Variants in RFX4 observed in about 807,000 individuals in gnomAD.
RFX4 encodes regulatory factor X4.
A neutral mutation model predicts 95.0 loss-of-function variants in RFX4; 10 were observed. The observed-to-expected ratio is 0.11, with a 90% CI of 0.06 to 0.18. RFX4 has a LOEUF of 0.18. Ranked by LOEUF, RFX4 falls within the 10% of genes least tolerant of loss-of-function variation. The pLI, the probability that RFX4 is intolerant of heterozygous loss-of-function variation, is 1.00. For missense variants in RFX4, 640 were observed against 922.0 expected (o/e 0.69, Z 3.96); for synonymous variants, 321 against 340.7 (o/e 0.94, Z 0.64).
At chr12:106,639,449 T>A in intron 3 of RFX4, 57 bp downstream of exon 3, 3 of 1,456,874 alleles carry the variant, frequency 2.1e-6, no homozygotes, top group Non-Finnish European at 2.9e-6. Context: ...TCTTCTTGTC[T>A]ATAGGATAGG....
Position 106,696,716 on chromosome 12 carries a change from C to T in RFX4, c.833+270C>T, listed in dbSNP as rs1259648087. 1.3e-5 allele frequency among the ~76,000 whole-genome samples: 2 copies of T among 152,158 alleles called. 1 individual carries two copies. Among genetic ancestry groups the T allele is most frequent in the Non-Finnish European group, 2.9e-5 (2 of 68,024 alleles). ...CCAGACTCCTGTTCCCCAGACAACCCAGTCCCTTCCCAGAACATCAAATAG... is the reference window on the plus strand; with the variant it reads ...CCAGACTCCTGTTCCCCAGACAACCTAGTCCCTTCCCAGAACATCAAATAG... On this transcript the variant is annotated intron_variant, in intron 8 of 17. Coordinates refer to ENST00000392842, the MANE Select transcript of RFX4 (RefSeq NM_213594.3).
At chr12:106,686,778 C>A (rs933807632) in intron 5 of RFX4, 106 bp from the exon 6 acceptor site, 19 of 1,046,526 alleles carry the variant, frequency 1.8e-5, no homozygotes, top group Non-Finnish European at 2.7e-5. Flanking sequence ...CTTTCCTTGG[C>A]CTTGGGCAAC....
chr12:106,733,659 T>C (rs1182654160), intron 15 of RFX4, among the ~76,000 whole-genome samples: 1 of 152,070 alleles, frequency 6.6e-6, no homozygotes. Flanking sequence ...ATGGCAACCA[T>C]AAGGAGGCAA....
chr12:106,634,767 T>C (rs1372224950), intron 2 of RFX4, among the ~76,000 whole-genome samples: 2 of 152,182 alleles, frequency 1.3e-5, no homozygotes, highest in Non-Finnish European at 2.9e-5. Flanking sequence ...TCTGGCTCAC[T>C]CCAGGACACA....
rs954475436 is a variant in RFX4 at position 106,672,875 on chromosome 12, A to G, written c.316-9118A>G. On this transcript the variant is annotated intron_variant, in intron 4 of 17. Coordinates refer to ENST00000392842, the MANE Select transcript of RFX4 (RefSeq NM_213594.3). ...TTTGCTCAGAGTGGGAAAAGTCTTG[A>G]CCTGCATTTGGGCAGAATGTGATGT... 2.6e-5 allele frequency among the ~76,000 whole-genome samples: 4 copies of G among 151,910 alleles called. No individual in the cohort carries two copies. In the South Asian group the frequency reaches 6.2e-4, roughly 24 times the overall value.
At chr12:106,592,037 A>G (rs552983477) in intron 1 of RFX4, among the ~76,000 whole-genome samples, 1 of 152,174 alleles carries the variant, frequency 6.6e-6, no homozygotes, top group Non-Finnish European at 1.5e-5. Flanking sequence ...ACATTCTAGG[A>G]TGGTTATGAA....
chr12:106,675,115 T>C lies in RFX4; in HGVS notation c.316-6878T>C, dbSNP rs568660932. Among the ~76,000 whole-genome samples, 6 of 152,262 alleles carry C rather than the reference T, an allele frequency of 3.9e-5. 1 individual carries two copies. The South Asian group carries it at 1.2e-3, about 32-fold the overall frequency. ...GAGATCTATTGCACAGCATGGTAACTATAGTTAATAACAACGTATTCTTGA... is the reference window on the plus strand; with the variant it reads ...GAGATCTATTGCACAGCATGGTAACCATAGTTAATAACAACGTATTCTTGA... On this transcript the variant is annotated intron_variant, in intron 4 of 17. Coordinates refer to ENST00000392842, the MANE Select transcript of RFX4 (RefSeq NM_213594.3).
At chr12:106,716,668 G>T (rs2042298357) in intron 11 of RFX4, among the ~76,000 whole-genome samples, 1 of 152,036 alleles carries the variant, frequency 6.6e-6, no homozygotes, top group Non-Finnish European at 1.5e-5. Context: ...CTTCACAGCT[G>T]CCCCAAGCCC....
At chr12:106,687,182 T>TCTCTCACACACA (rs1443795120) in intron 6 of RFX4, 85 bp downstream of exon 6, 101 of 547,184 alleles carry the variant, frequency 1.8e-4, no homozygotes, top group African/African-American at 1.1e-3. Flanking sequence ...TCTCTCTCTC[T>TCTCTCACACACA]CACACACACA....
intron 2 of RFX4, among the ~76,000 whole-genome samples, chr12:106,627,456 A>G (rs2040325233): frequency 6.6e-6 from 1 of 152,120 alleles, no homozygotes; most frequent in Non-Finnish European, 1.5e-5. Flanking sequence ...GATTCCGTGA[A>G]CCTGGGAGGT....
chr12:106,595,957 T>C (rs2039611136), intron 1 of RFX4, among the ~76,000 whole-genome samples: 1 of 152,132 alleles, frequency 6.6e-6, no homozygotes, highest in East Asian at 1.9e-4. Flanking sequence ...AATAAAGTAA[T>C]ATGTAAAGGA....
intron 4 of RFX4, among the ~76,000 whole-genome samples, chr12:106,658,728 G>A (rs1278209371): frequency 6.6e-6 from 1 of 152,146 alleles, no homozygotes; most frequent in Non-Finnish European, 1.5e-5. Flanking sequence ...TGGGGCCAGG[G>A]GTCCTGTCAT....
rs184848340 is a variant in RFX4, at chr12:106,583,574, G to T, written c.43+211G>T. 663 of 407,010 alleles carry T rather than the reference G, an allele frequency of 1.6e-3. 2 individuals are homozygous for T. The highest frequency in any genetic ancestry group is 2.4e-3 in the Non-Finnish European group (569 of 233,758). 25.2% of individuals were successfully genotyped at this position (407,010 alleles called of 1,614,324 possible). On this transcript the variant is annotated intron_variant, in intron 1 of 17. Coordinates refer to ENST00000392842, the MANE Select transcript of RFX4 (RefSeq NM_213594.3). The stretch of plus-strand genomic sequence containing the variant: ...TGTGTATAAGCGTGTGATTGTGTAC[G>T]TGTGTGAGTGTGTGTGCGTGCGCGC...
intron 1 of RFX4, among the ~76,000 whole-genome samples, chr12:106,584,885 A>C (rs1254000793): frequency 6.6e-6 from 1 of 152,136 alleles, no homozygotes; most frequent in East Asian, 1.9e-4. Context: ...TCTCCTTCCT[A>C]TACTCGATGA....
chr12:106,736,414 C>G (rs2042709641), intron 15 of RFX4, among the ~76,000 whole-genome samples: 1 of 152,162 alleles, frequency 6.6e-6, no homozygotes, highest in Non-Finnish European at 1.5e-5. Context: ...GAATCTTGTT[C>G]AGCAAACTTC....
intron 1 of RFX4, among the ~76,000 whole-genome samples, chr12:106,607,668 T>C (rs1015292459): frequency 6.6e-6 from 1 of 152,198 alleles, no homozygotes; most frequent in African/African-American, 2.4e-5. Context: ...ATGCTCAAAT[T>C]GTTCCCAAAT....
At chr12:106,759,261 G>T (rs2043167897) in intron 17 of RFX4, among the ~76,000 whole-genome samples, 1 of 152,178 alleles carries the variant, frequency 6.6e-6, no homozygotes, top group Admixed American at 6.5e-5. Context: ...GGTAGAGAAG[G>T]TTCTAGGTAC....
At chr12:106,646,993 T>G (rs1317061975) in intron 3 of RFX4, among the ~76,000 whole-genome samples, 1 of 152,202 alleles carries the variant, frequency 6.6e-6, no homozygotes, top group Non-Finnish European at 1.5e-5. Context: ...TTTGTTTTAT[T>G]TTGCTTTGGA....
intron 6 of RFX4, 78 bp downstream of exon 6, chr12:106,687,175 C>CTGTCTCTA: frequency 1.3e-6 from 1 of 758,734 alleles, no homozygotes; most frequent in Non-Finnish European, 2.1e-6. Flanking sequence ...CTATCTCTCT[C>CTGTCTCTA]TCTCTCTCAC....
Sources: allele counts gnomAD v4.1 joint callset (sites outside exome capture counted in the v4.1 genomes callset), GRCh38; gene constraint gnomAD v4.1.1; transcripts MANE v1.5; gene names NCBI Gene and HGNC (gene_info 2026-07-23, HGNC 2026-07-21).